Variants in CLIP2 observed in about 807,000 individuals in gnomAD.
CLIP2 encodes the protein CAP-Gly domain containing linker protein 2, also known as CAP-Gly domain-containing linker protein 2.
A neutral mutation model predicts 111.7 loss-of-function variants in CLIP2; 41 were observed. That is an observed-to-expected ratio of 0.37 (90% CI 0.29 to 0.48). The LOEUF is 0.48. Among genes scored for constraint, CLIP2 ranks in the 20% least tolerant of loss-of-function variants. The pLI, the probability that CLIP2 is intolerant of heterozygous loss-of-function variation, is 0.99. For synonymous variants in CLIP2, 660 were observed against 644.2 expected (o/e 1.02, Z -0.37); for missense variants, 1,160 against 1,422.1 (o/e 0.82, Z 2.96).
chr7:74,346,580 G>A (rs1789801450), intron 3 of CLIP2, among the ~76,000 whole-genome samples: 1 of 152,028 alleles, frequency 6.6e-6, no homozygotes, highest in Non-Finnish European at 1.5e-5. Flanking sequence ...AAAGTTAGCT[G>A]GGTGTGGTGG....
At chr7:74,310,487 C>T (rs1393993694) in intron 1 of CLIP2, among the ~76,000 whole-genome samples, 1 of 151,872 alleles carries the variant, frequency 6.6e-6, no homozygotes, top group African/African-American at 2.4e-5. Flanking sequence ...TGCACCACTA[C>T]ACTCAGCCTG....
intron 6 of CLIP2, among the ~76,000 whole-genome samples, chr7:74,357,817 T>C (rs1790191977): frequency 6.6e-6 from 1 of 151,554 alleles, no homozygotes; most frequent in Non-Finnish European, 1.5e-5. Context: ...GGTGTAGTGG[T>C]GCAATCTCGG....
rs1338338293 is a variant in CLIP2 at position 74,360,343 on chromosome 7, G to A, written c.1319+65G>A. On this transcript the variant is annotated intron_variant, in intron 7 of 16. Transcript: ENST00000223398. ...TTAAGGAGGATGAGGAAGAGGGCAGGCTTGGGAATAGCGGACCCAGGTTCC... is the reference window on the plus strand; with the variant it reads ...TTAAGGAGGATGAGGAAGAGGGCAGACTTGGGAATAGCGGACCCAGGTTCC... 8 of 1,289,478 alleles carry A rather than the reference G, an allele frequency of 6.2e-6. No homozygotes were observed. In the East Asian group the frequency reaches 7.7e-5, roughly 12 times the overall value. 79.9% of individuals were successfully genotyped at this position (1,289,478 alleles called of 1,614,324 possible). A position where few individuals can be genotyped will look rare whatever the true frequency, so the allele number is the denominator to read the frequency against.
At chr7:74,362,973 G>A (rs1790375279) in intron 7 of CLIP2, among the ~76,000 whole-genome samples, 1 of 151,686 alleles carries the variant, frequency 6.6e-6, no homozygotes, top group South Asian at 2.1e-4. Flanking sequence ...GCCGAGAGCT[G>A]TTAGGAGGCC....
chr7:74,380,431 T>G (rs895743464), intron 10 of CLIP2: 1 of 160,934 alleles, frequency 6.2e-6, no homozygotes, highest in Non-Finnish European at 1.4e-5. Context: ...GATGGGAAAC[T>G]GAGGCCAGAA....
intron 13 of CLIP2, among the ~76,000 whole-genome samples, chr7:74,390,755 G>T (rs1279902103): frequency 7.5e-6 from 1 of 134,198 alleles, no homozygotes; most frequent in African/African-American, 2.8e-5. Flanking sequence ...GGGTGGGGGG[G>T]GTGGGTGGGG....
rs1791113842 is a variant in CLIP2 at position 74,386,737 on chromosome 7, G to C, written c.2563+133G>C. 4.8e-6 allele frequency: 3 copies of C among 624,078 alleles called. No individual in the cohort carries two copies. In the South Asian group the frequency reaches 7.0e-5, roughly 15 times the overall value. 38.7% of individuals were successfully genotyped at this position (624,078 alleles called of 1,614,324 possible). A position where few individuals can be genotyped will look rare whatever the true frequency, so the allele number is the denominator to read the frequency against. On this transcript the variant is annotated intron_variant, in intron 12 of 16. Transcript: ENST00000223398. ...CCCGACTCTGCTTTGAGAAGAAAAGGGCTGGCTGGTCGCGGTGGCTCGCGC... is the reference window on the plus strand; with the variant it reads ...CCCGACTCTGCTTTGAGAAGAAAAGCGCTGGCTGGTCGCGGTGGCTCGCGC...
At chr7:74,306,716 G>T (rs532468549) in intron 1 of CLIP2, among the ~76,000 whole-genome samples, 3 of 152,296 alleles carry the variant, frequency 2.0e-5, no homozygotes, top group African/African-American at 7.2e-5. Flanking sequence ...TCGCCTGTCC[G>T]TCCTGTGCAC....
intron 12 of CLIP2, chr7:74,388,813 A>C: frequency 4.4e-6 from 1 of 229,366 alleles, no homozygotes. Context: ...AAAAACCGCC[A>C]GGTATGATGG....
intron 2 of CLIP2, among the ~76,000 whole-genome samples, chr7:74,336,861 T>G (rs1243667277): frequency 6.3e-4 from 9 of 14,348 alleles, no homozygotes; most frequent in African/African-American, 9.9e-4. Flanking sequence ...GTTTTTTTTG[T>G]TTTTTTTTTT....
chr7:74,356,296 C>T (rs868987354), intron 4 of CLIP2, 114 bp from the exon 5 acceptor site: 2 of 861,142 alleles, frequency 2.3e-6, no homozygotes, highest in Middle Eastern at 2.2e-4. Context: ...CACATGGGCC[C>T]CAAGGAGGTG....
intron 8 of CLIP2, among the ~76,000 whole-genome samples, chr7:74,368,938 T>C (rs1377736456): frequency 6.6e-6 from 1 of 152,114 alleles, no homozygotes; most frequent in African/African-American, 2.4e-5. Flanking sequence ...TCAGGCCGGG[T>C]GCAGTGGCTC....
chr7:74,326,252 A>T lies in CLIP2; in HGVS notation c.121+8585A>T, dbSNP rs368642923. On this transcript the variant is annotated intron_variant, in intron 2 of 16. Coordinates refer to ENST00000223398, the MANE Select transcript of CLIP2 (RefSeq NM_003388.5). ...AAGACTCTGTCTCATAAAAATAAAG[A>T]TGAGACCACCGAGGCTTGGAGTCTC... Among the ~76,000 whole-genome samples, 2 of 151,984 alleles carry T rather than the reference A, an allele frequency of 1.3e-5. 1 individual carries two copies. The highest frequency in any genetic ancestry group is 2.9e-5 in the Non-Finnish European group (2 of 67,988).
chr7:74,310,970 C>T (rs1554728426), intron 1 of CLIP2, among the ~76,000 whole-genome samples: 1 of 141,768 alleles, frequency 7.1e-6, no homozygotes, highest in South Asian at 2.3e-4. Context: ...CTGCCTCGAG[C>T]TCCTATTTTT....
intron 2 of CLIP2, among the ~76,000 whole-genome samples, chr7:74,320,259 C>T (rs1788911073): frequency 6.7e-6 from 1 of 149,728 alleles, no homozygotes; most frequent in Non-Finnish European, 1.5e-5. Context: ...GGCACAGTGA[C>T]TCAAGCCTGT....
chr7:74,298,858 C>T (rs10256018), intron 1 of CLIP2, among the ~76,000 whole-genome samples: 1 of 150,944 alleles, frequency 6.6e-6, no homozygotes, highest in Non-Finnish European at 1.5e-5. Context: ...TTTTAAAAAA[C>T]GTTTAAGTAA....
chr7:74,365,609 G>A, intron 8 of CLIP2, among the ~76,000 whole-genome samples: 1 of 152,156 alleles, frequency 6.6e-6, no homozygotes, highest in Non-Finnish European at 1.5e-5. Context: ...GAGGCAGGGG[G>A]CGGGACAGAC....
In CLIP2 at chr7:74,338,869, C is replaced by T. The variant is rs1554732763; in HGVS notation, c.543C>T (p.Thr181=). ...LHSGTATPPL[T]SRVIPLRESV... is the part of the protein sequence containing the mutation. ...CGGGCACGGCCACGCCCCCGCTGAC[C>T]AGCCGCGTCATCCCCCTGCGGGAGA... Residue 181 remains threonine, a synonymous_variant, in exon 3 of 17, where the codon ACC becomes ACT. Coordinates refer to ENST00000223398, the MANE Select transcript of CLIP2 (RefSeq NM_003388.5). This position sits in a 1 kb window ranked among gnomAD's most constrained non-coding sequence, Gnocchi z 4.3. 2 of 1,608,096 alleles carry T rather than the reference C, an allele frequency of 1.2e-6. No individual in the cohort carries two copies. Among genetic ancestry groups the T allele is most frequent in the South Asian group, 2.2e-5 (2 of 91,088 alleles).
At chr7:74,299,390 A>G (rs1199092531) in intron 1 of CLIP2, among the ~76,000 whole-genome samples, 1 of 152,148 alleles carries the variant, frequency 6.6e-6, no homozygotes, top group Non-Finnish European at 1.5e-5. Context: ...AAGGCTTATT[A>G]GTGACTGTCC....
Sources: allele counts gnomAD v4.1 joint callset (sites outside exome capture counted in the v4.1 genomes callset), GRCh38; gene constraint gnomAD v4.1.1; non-coding constraint Gnocchi (gnomAD v3.1); transcripts MANE v1.5; gene names NCBI Gene and HGNC (gene_info 2026-07-23, HGNC 2026-07-21).